RXRA: variants seen among roughly 807,000 people sequenced by gnomAD.
RXRA encodes the protein retinoic acid receptor RXR-alpha.
In RXRA, 5 loss-of-function variants were observed where a neutral mutation model predicts 44.5. That is an observed-to-expected ratio of 0.11 (90% CI 0.06 to 0.24). RXRA has a LOEUF of 0.24. Ranked by LOEUF, RXRA falls within the 10% of genes least tolerant of loss-of-function variation. The pLI is 1.00. For missense variants in RXRA, 412 were observed against 646.5 expected (o/e 0.64, Z 3.93); for synonymous variants, 291 against 271.4 (o/e 1.07, Z -0.71).
chr9:134,428,704 G>C (rs1831478317), intron 6 of RXRA, among the ~76,000 whole-genome samples: 1 of 152,240 alleles, frequency 6.6e-6, no homozygotes, highest in African/African-American at 2.4e-5. Flanking sequence ...ATTCCACGAA[G>C]GGCACACAGA....
intron 1 of RXRA, among the ~76,000 whole-genome samples, chr9:134,372,464 G>C (rs572140133): frequency 6.6e-6 from 1 of 152,296 alleles, no homozygotes; most frequent in Non-Finnish European, 1.5e-5. Context: ...TGTCCCGTGA[G>C]GGGAGACAGT....
rs750305277 is a variant in RXRA at position 134,401,707 on chromosome 9, C to T, written c.104C>T (p.Pro35Leu). ...TCCATGGCTGCCCCCTCGCTGCACC[C>T]GTCCCTGGGGCCTGGCATCGGCTCC... Reference protein sequence around the residue: ...RGSMAAPSLHPSLGPGIGSPG... With the variant: ...RGSMAAPSLHLSLGPGIGSPG... The change falls in exon 2 of 10, where the codon CCG becomes CTG. Residue 35 changes from proline (P) to leucine (L), a missense_variant. Physicochemically the swap from Pro to Leu is moderately conservative, Grantham distance 98. Around this residue, in one of 4 missense-constraint regions of RXRA, gnomAD observed 156 missense variants for 177.2 expected, o/e 0.88. Coordinates refer to ENST00000481739, the MANE Select transcript of RXRA (RefSeq NM_002957.6). 20 of 1,613,020 alleles carry T rather than the reference C, an allele frequency of 1.2e-5. No individual in the cohort carries two copies. The highest frequency in any genetic ancestry group is 1.6e-4 in the Middle Eastern group (1 of 6,082).
intron 1 of RXRA, among the ~76,000 whole-genome samples, chr9:134,331,962 G>A (rs1835013468): frequency 6.6e-6 from 1 of 152,212 alleles, no homozygotes; most frequent in African/African-American, 2.4e-5. Flanking sequence ...GTCTTGGCCC[G>A]AGTGAGTGAG....
At chr9:134,436,196 AGCTGCTGTCTG>A (rs1669590242) in intron 9 of RXRA, among the ~76,000 whole-genome samples, 1 of 152,254 alleles carries the variant, frequency 6.6e-6, no homozygotes, top group Non-Finnish European at 1.5e-5. Context: ...TGCCCTAGCC[AGCTGCTGTCTG>A]GCCCCTGGCC....
intron 6 of RXRA, among the ~76,000 whole-genome samples, chr9:134,428,113 T>G (rs1435802401): frequency 6.6e-6 from 1 of 152,156 alleles, no homozygotes; most frequent in Non-Finnish European, 1.5e-5. Context: ...CCTGCTCTGC[T>G]TCATCTGCAC....
At chr9:134,387,157 C>T (rs1054138947) in intron 1 of RXRA, among the ~76,000 whole-genome samples, 1 of 152,338 alleles carries the variant, frequency 6.6e-6, no homozygotes, top group East Asian at 1.9e-4. Flanking sequence ...GGAGGGTCCC[C>T]ACACCCATCC....
intron 7 of RXRA, among the ~76,000 whole-genome samples, chr9:134,430,129 G>A (rs932363486): frequency 1.2e-4 from 18 of 152,104 alleles, no homozygotes; most frequent in African/African-American, 2.7e-4. Context: ...CTCGTGATCC[G>A]CCCACCTCGG....
intron 1 of RXRA, among the ~76,000 whole-genome samples, chr9:134,341,236 A>G (rs1830081976): frequency 6.6e-6 from 1 of 152,222 alleles, no homozygotes; most frequent in African/African-American, 2.4e-5. Flanking sequence ...AGGCCGAGCT[A>G]CAGATAGGGG....
chr9:134,373,363 G>A (rs1480277296), intron 1 of RXRA, among the ~76,000 whole-genome samples: 1 of 152,124 alleles, frequency 6.6e-6, no homozygotes, highest in East Asian at 1.9e-4. Context: ...GTCTTTAACA[G>A]CTCTGTGCCT....
intron 1 of RXRA, among the ~76,000 whole-genome samples, chr9:134,330,266 C>T (rs1834982433): frequency 6.6e-6 from 1 of 152,244 alleles, no homozygotes; most frequent in African/African-American, 2.4e-5. Context: ...CCCCTCCTTC[C>T]CTTCTCTGCC....
chr9:134,332,176 G>T (rs1417011720), intron 1 of RXRA, among the ~76,000 whole-genome samples: 8 of 152,236 alleles, frequency 5.3e-5, no homozygotes, highest in Non-Finnish European at 1.5e-5. Flanking sequence ...CTGTAGTTGG[G>T]TGAGCAGCAG....
rs976749391 is a variant in RXRA, at chr9:134,438,784, G to C, written c.*2170G>C. On this transcript the variant is annotated 3_prime_UTR_variant, in exon 10 of 10. Coordinates refer to ENST00000481739, the MANE Select transcript of RXRA (RefSeq NM_002957.6). Reference sequence around the variant, plus strand: ...CCGCGGCTCCAGAGGAAAAAGCCCAGGGACGGGGCCTCCGTTGCGGGGGGT... The same window carrying C: ...CCGCGGCTCCAGAGGAAAAAGCCCACGGACGGGGCCTCCGTTGCGGGGGGT... 4 of 152,796 alleles carry C rather than the reference G, an allele frequency of 2.6e-5. No individual in the cohort carries two copies. Among genetic ancestry groups the C allele is most frequent in the African/African-American group, 9.6e-5 (4 of 41,602 alleles). The allele number at this position is 152,796 out of a possible 1,614,324, so 9.5% of individuals were successfully genotyped here. A position where few individuals can be genotyped will look rare whatever the true frequency, so the allele number is the denominator to read the frequency against.
chr9:134,376,680 C>T (rs144677588), intron 1 of RXRA, among the ~76,000 whole-genome samples: 4 of 152,300 alleles, frequency 2.6e-5, no homozygotes, highest in East Asian at 3.8e-4. Flanking sequence ...GTGCTCAGCG[C>T]GTGGGCAGTA....
rs1485241149 is a variant in RXRA at position 134,433,032 on chromosome 9, G to A, written c.1135+1036G>A. Among the ~76,000 whole-genome samples, 1 of 152,136 alleles carries A rather than the reference G, an allele frequency of 6.6e-6. No individual in the cohort carries two copies. Among genetic ancestry groups the A allele is most frequent in the Non-Finnish European group, 1.5e-5 (1 of 68,018 alleles). On this transcript the variant is annotated intron_variant, in intron 8 of 9. Coordinates refer to ENST00000481739, the MANE Select transcript of RXRA (RefSeq NM_002957.6). This position sits in a 1 kb window ranked among gnomAD's most constrained non-coding sequence, Gnocchi z 4.2. ...TGGGGCTGCTGTGGGGAGCTCACTT[G>A]GGCTATGGTGGAGGGAGTGGAGCCC...
intron 9 of RXRA, among the ~76,000 whole-genome samples, chr9:134,435,107 C>G (rs889510657): frequency 3.1e-4 from 47 of 152,344 alleles, no homozygotes; most frequent in African/African-American, 1.1e-3. Context: ...TGGCCCAACT[C>G]CAGCCTCTGC....
At position 134,417,205 on chromosome 9, in the gene RXRA, G is replaced by A. The variant is rs1360652710; in HGVS notation, c.658G>A (p.Val220Met). 1 of 1,613,540 alleles carries A rather than the reference G, an allele frequency of 6.2e-7. No individual in the cohort carries two copies. The highest frequency in any genetic ancestry group is 8.5e-7 in the Non-Finnish European group (1 of 1,179,978). ...QRGKDRNENE[V>M]ESTSSANEDM... ...TGGCAAGGACCGGAACGAGAATGAG[G>A]TGGAGTCGACCAGCAGCGCCAACGA... The change falls in exon 5 of 10, where the codon GTG (valine) becomes ATG (methionine). Residue 220 changes from valine (V) to methionine (M), a missense_variant. Physicochemically the swap from Val to Met is conservative, Grantham distance 21. Coordinates refer to ENST00000481739, the MANE Select transcript of RXRA (RefSeq NM_002957.6). This position sits in a 1 kb window ranked among gnomAD's most constrained non-coding sequence, Gnocchi z 6.1.
In RXRA at chr9:134,438,342, T is replaced by C. The variant is rs1377062750; in HGVS notation, c.*1728T>C. The C allele has an allele frequency of 6.6e-6, 1 of 152,256 alleles. No individual in the cohort carries two copies. The highest frequency in any genetic ancestry group is 1.5e-5 in the Non-Finnish European group (1 of 68,106). 9.4% of individuals were successfully genotyped at this position (152,256 alleles called of 1,614,324 possible). On this transcript the variant is annotated 3_prime_UTR_variant, in exon 10 of 10. Transcript: ENST00000481739. Reference sequence around the variant, plus strand: ...TTTCCAGCCTTGGTGGGGAAGAAAGTGTCCATTCTTTGCCTTCCTGGAGCT... The same window carrying C: ...TTTCCAGCCTTGGTGGGGAAGAAAGCGTCCATTCTTTGCCTTCCTGGAGCT...
At chr9:134,422,058 CTCTCCCA>C in intron 6 of RXRA, 1 of 1,337,708 alleles carries the variant, frequency 7.5e-7, no homozygotes, top group East Asian at 3.4e-5. Flanking sequence ...GGACGCTCCC[CTCTCCCA>C]GGACGCTCCC....
At position 134,433,956 on chromosome 9, in the gene RXRA, G is replaced by A. The variant is rs557017368; in HGVS notation, c.1136-146G>A. On this transcript the variant is annotated intron_variant, in intron 8 of 9. Coordinates refer to ENST00000481739, the MANE Select transcript of RXRA (RefSeq NM_002957.6). This position sits in a 1 kb window ranked among gnomAD's most constrained non-coding sequence, Gnocchi z 4.2. The stretch of plus-strand genomic sequence containing the variant: ...GCCACCAGGCTCTGGGGGAGCGGGC[G>A]GAGGCATGTCCAGCGGCATTCCTCC... 10 of 605,756 alleles carry A rather than the reference G, an allele frequency of 1.7e-5. No homozygotes were observed. The highest frequency in any genetic ancestry group is 5.7e-5 in the Admixed American group (2 of 35,060). The allele number at this position is 605,756 out of a possible 1,614,324, so 37.5% of individuals were successfully genotyped here. A position where few individuals can be genotyped will look rare whatever the true frequency, so the allele number is the denominator to read the frequency against.
Sources: gnomAD v4.1 joint callset for allele counts (sites outside exome capture counted in the v4.1 genomes callset) on GRCh38, gnomAD v4.1.1 for gene constraint, gnomAD v4.1.1 regional missense constraint, Gnocchi (gnomAD v3.1) non-coding constraint, MANE v1.5 for transcripts, NCBI Gene and HGNC (gene_info 2026-07-23, HGNC 2026-07-21) for gene names.